The following ACACA variants were observed in gnomAD, a reference collection of about 807,000 sequenced individuals.
The protein encoded by ACACA is acetyl-CoA carboxylase 1.
ACACA carries 103 observed loss-of-function variants against 296.1 expected under a neutral mutation model. That is an observed-to-expected ratio of 0.35 (90% CI 0.30 to 0.41). ACACA has a LOEUF of 0.41. Among genes scored for constraint, ACACA ranks in the 10% least tolerant of loss-of-function variants. ACACA has a pLI of 1.00. For synonymous variants in ACACA, 953 were observed against 1,038.6 expected, an observed-to-expected ratio of 0.92 and a Z score of 1.58; for missense variants, 1,554 against 2,989.7, an observed-to-expected ratio of 0.52 and a Z score of 11.20.
rs574006466 is a variant in ACACA, at chr17:37,228,153, G to GTAAATACTTTTGAAA, written c.3247-1716_3247-1702dup. 4.1e-3 allele frequency among the ~76,000 whole-genome samples: 609 copies of GTAAATACTTTTGAAA among 148,558 alleles called. 5 individuals carry two copies. The highest frequency in any genetic ancestry group is 0.014 in the African/African-American group (572 of 40,342). ...AAACCCCTACCTTCCACATCACAAGGTAAATACTTTTGAAATACTCAATGC... is the reference window on the plus strand; with the variant it reads ...AAACCCCTACCTTCCACATCACAAGGTAAATACTTTTGAAATAAATACTTTTGAAATACTCAATGC... On this transcript the variant is annotated intron_variant, in intron 25 of 55. Coordinates refer to ENST00000616317, the MANE Select transcript of ACACA (RefSeq NM_198834.3).
chr17:37,092,843 T>G (rs773743429), intron 54 of ACACA, among the ~76,000 whole-genome samples: 1 of 152,064 alleles, frequency 6.6e-6, no homozygotes, highest in Non-Finnish European at 1.5e-5. Flanking sequence ...TAAGGTACAC[T>G]CATATTTTGG....
intron 8 of ACACA, among the ~76,000 whole-genome samples, chr17:37,275,642 G>A (rs184006600): frequency 6.6e-6 from 1 of 152,260 alleles, no homozygotes; most frequent in Non-Finnish European, 1.5e-5. Flanking sequence ...CCACCTCTGA[G>A]GAAGATTCTA....
At chr17:37,382,907 C>T (rs1323186494) in intron 1 of ACACA, among the ~76,000 whole-genome samples, 2 of 151,672 alleles carry the variant, frequency 1.3e-5, no homozygotes, top group Non-Finnish European at 2.9e-5. Context: ...CATGGAGGCA[C>T]GCGCTTGTAG....
intron 38 of ACACA, among the ~76,000 whole-genome samples, chr17:37,189,652 TAAA>T (rs914278280): frequency 5.9e-4 from 89 of 151,080 alleles, no homozygotes; most frequent in African/African-American, 2.1e-3. Context: ...AAGCCAAATC[TAAA>T]AAAAAATACA....
chr17:37,372,147 T>A (rs1182445122), intron 1 of ACACA, among the ~76,000 whole-genome samples: 1 of 151,378 alleles, frequency 6.6e-6, no homozygotes. Flanking sequence ...GACGCAGTAG[T>A]TCACGCCTGT....
In ACACA at chr17:37,349,725, T is replaced by G. The variant is rs926366601; in HGVS notation, c.39-9875A>C. Among the ~76,000 whole-genome samples, 8 of 151,306 alleles carry G rather than the reference T, an allele frequency of 5.3e-5. No individual in the cohort carries two copies. The South Asian group carries it at 1.0e-3, about 20-fold the overall frequency. On this transcript the variant is annotated intron_variant, in intron 1 of 55. Coordinates refer to ENST00000616317, the MANE Select transcript of ACACA (RefSeq NM_198834.3). ...GTACCCACCACTTCACCCAGCTAGT[T>G]TTTTTGTATTTTCAATAGAGACAGG... is the stretch of plus-strand genomic sequence containing the variant.
At chr17:37,114,459 G>C (rs1050983484) in intron 50 of ACACA, among the ~76,000 whole-genome samples, 13 of 151,392 alleles carry the variant, frequency 8.6e-5, no homozygotes, top group African/African-American at 3.2e-4. Context: ...GAGCCTAGGA[G>C]GCTGAGACCT....
At chr17:37,193,463 C>T (rs764283522) in intron 35 of ACACA, 48 bp from the exon 36 acceptor site, 20 of 1,396,702 alleles carry the variant, frequency 1.4e-5, no homozygotes, top group Non-Finnish European at 4.1e-6. Context: ...ATAGACATGG[C>T]TCTTTGAGAA....
chr17:37,375,870 G>A, intron 1 of ACACA: 2 of 475,706 alleles, frequency 4.2e-6, no homozygotes, highest in Non-Finnish European at 7.4e-6. Context: ...GAAGTCAGAA[G>A]AAGTCTGAGT....
intron 1 of ACACA, among the ~76,000 whole-genome samples, chr17:37,361,327 G>A (rs1597708137): frequency 1.3e-5 from 2 of 152,026 alleles, no homozygotes; most frequent in South Asian, 2.1e-4. Context: ...GAGCCACCAC[G>A]CCAAGTCTCC....
intron 2 of ACACA, among the ~76,000 whole-genome samples, chr17:37,332,602 C>G (rs971513111): frequency 4.1e-5 from 5 of 122,416 alleles, no homozygotes; most frequent in African/African-American, 1.2e-4. Flanking sequence ...AAGATCCCAT[C>G]TGTACAAAAA....
chr17:37,299,595 C>CAA, intron 3 of ACACA: 1 of 1,282,116 alleles, frequency 7.8e-7, no homozygotes. Flanking sequence ...CTTACACACA[C>CAA]AATTAGTTGA....
intron 1 of ACACA, chr17:37,375,993 G>A: frequency 9.9e-7 from 1 of 1,009,042 alleles, no homozygotes; most frequent in Non-Finnish European, 1.5e-6. Context: ...GTCAAACTTG[G>A]TTCCAGCTGC....
intron 3 of ACACA, among the ~76,000 whole-genome samples, chr17:37,285,429 C>T (rs2082721711): frequency 6.6e-6 from 1 of 152,120 alleles, no homozygotes; most frequent in Non-Finnish European, 1.5e-5. Flanking sequence ...ATTTCAAAAT[C>T]AACAACTCCA....
At chr17:37,197,180 A>G (rs1233013231) in intron 35 of ACACA, among the ~76,000 whole-genome samples, 2 of 152,216 alleles carry the variant, frequency 1.3e-5, no homozygotes, top group Non-Finnish European at 2.9e-5. Context: ...CTAAACTACG[A>G]AGTATTGTAA....
chr17:37,306,664 TTC>T (rs2083900238), intron 3 of ACACA, among the ~76,000 whole-genome samples: 1 of 152,082 alleles, frequency 6.6e-6, no homozygotes, highest in South Asian at 2.1e-4. Flanking sequence ...AATGTCTGAC[TTC>T]TTTTGATCAA....
At chr17:37,243,129 C>A (rs1381881195) in intron 22 of ACACA, among the ~76,000 whole-genome samples, 4 of 152,174 alleles carry the variant, frequency 2.6e-5, no homozygotes, top group Non-Finnish European at 1.5e-5. Context: ...GCCCCAGGAA[C>A]AAAGCTATAA....
chr17:37,108,227 T>C (rs1008406912), intron 52 of ACACA, among the ~76,000 whole-genome samples: 3 of 152,102 alleles, frequency 2.0e-5, no homozygotes, highest in Admixed American at 6.5e-5. Context: ...TATTTTCTGT[T>C]ATAATCACAG....
chr17:37,140,331 T>A (rs1356960175), intron 45 of ACACA, among the ~76,000 whole-genome samples: 2 of 152,184 alleles, frequency 1.3e-5, no homozygotes, highest in East Asian at 3.9e-4. Context: ...CCATTCCTGG[T>A]CTCACGAGTA....
Sources: allele counts gnomAD v4.1 joint callset (sites outside exome capture counted in the v4.1 genomes callset), GRCh38; gene constraint gnomAD v4.1.1; transcripts MANE v1.5; gene names NCBI Gene and HGNC (gene_info 2026-07-23, HGNC 2026-07-21).